MCMDC2: variants seen among roughly 807,000 people sequenced by gnomAD.
MCMDC2 encodes the protein minichromosome maintenance domain containing 2.
A neutral mutation model predicts 75.8 loss-of-function variants in MCMDC2; 54 were observed. The observed-to-expected ratio is 0.71, with a 90% CI of 0.57 to 0.89. The LOEUF is 0.89. Ranked by LOEUF, MCMDC2 falls within the 40% of genes least tolerant of loss-of-function variation. MCMDC2 has a pLI of 0.00. For synonymous variants in MCMDC2, 249 were observed against 274.6 expected, an observed-to-expected ratio of 0.91 and a Z score of 0.92; for missense variants, 656 against 780.4, an observed-to-expected ratio of 0.84 and a Z score of 1.90.
intron 10 of MCMDC2, among the ~76,000 whole-genome samples, chr8:66,895,480 C>T (rs1812310551): frequency 6.6e-6 from 1 of 150,500 alleles, no homozygotes; most frequent in Non-Finnish European, 1.5e-5. Context: ...CATCATACCT[C>T]ACTGCACCCT....
At position 66,896,159 on chromosome 8, in the gene MCMDC2, T is replaced by C. The variant is rs1220329282; in HGVS notation, c.1280-11T>C. 6.3e-6 allele frequency: 10 copies of C among 1,598,148 alleles called. No individual in the cohort carries two copies. The highest frequency in any genetic ancestry group is 8.5e-6 in the Non-Finnish European group (10 of 1,176,784). ...ACTTAAATAACAAATGGATAATGTCTTCTGACTTAGTTCTGGAGAGCAGAA... is the reference window on the plus strand; with the variant it reads ...ACTTAAATAACAAATGGATAATGTCCTCTGACTTAGTTCTGGAGAGCAGAA... On this transcript the variant is annotated splice_polypyrimidine_tract_variant and intron_variant, in intron 10 of 14. Coordinates refer to ENST00000422365, the MANE Select transcript of MCMDC2 (RefSeq NM_173518.5).
At chr8:66,884,063 C>A in intron 9 of MCMDC2, 69 bp downstream of exon 9, 1 of 939,072 alleles carries the variant, frequency 1.1e-6, no homozygotes, top group Non-Finnish European at 1.7e-6. Context: ...TTTCCATGAG[C>A]ATTATTACAA....
At chr8:66,875,143 C>T (rs950556461) in intron 4 of MCMDC2, among the ~76,000 whole-genome samples, 3 of 152,136 alleles carry the variant, frequency 2.0e-5, no homozygotes, top group African/African-American at 7.2e-5. Context: ...TACCACTCAA[C>T]TCAGATTCAA....
chr8:66,901,108 T>A, intron 12 of MCMDC2, 98 bp from the exon 13 acceptor site: 1 of 847,094 alleles, frequency 1.2e-6, no homozygotes. Flanking sequence ...TAATAAAATA[T>A]GCAAACTTGT....
chr8:66,916,553 C>G (rs1271623679), intron 14 of MCMDC2, among the ~76,000 whole-genome samples: 8 of 152,202 alleles, frequency 5.3e-5, no homozygotes, highest in African/African-American at 1.4e-4. Flanking sequence ...GCCTTCGTGC[C>G]AGCACAAGAT....
intron 12 of MCMDC2, 124 bp from the exon 13 acceptor site, chr8:66,901,082 T>G: frequency 1.5e-6 from 1 of 686,742 alleles, no homozygotes; most frequent in Non-Finnish European, 2.5e-6. Flanking sequence ...GCCCCAGACA[T>G]TTACTCTTTT....
chr8:66,877,385 C>T lies in MCMDC2; in HGVS notation c.322C>T (p.Leu108=). 6.2e-7 allele frequency: 1 copy of T among 1,612,230 alleles called. No homozygotes were observed. The highest frequency in any genetic ancestry group is 8.5e-7 in the Non-Finnish European group (1 of 1,179,062). The part of the protein sequence containing the change: ...IVLKLTHLPP[L]PSYGLDLCEF... The stretch of plus-strand genomic sequence containing the variant: ...GCTGAAATTAACACATTTACCTCCC[C>T]TGCCAAGTTATGGTCTTGATCTTTG... The change falls in exon 5 of 15, where the codon CTG becomes TTG. Residue 108 remains leucine (L), a synonymous_variant. Coordinates refer to ENST00000422365, the MANE Select transcript of MCMDC2 (RefSeq NM_173518.5).
At chr8:66,906,775 A>G (rs1056679202) in intron 14 of MCMDC2, among the ~76,000 whole-genome samples, 4 of 150,516 alleles carry the variant, frequency 2.7e-5, no homozygotes, top group Non-Finnish European at 4.4e-5. Context: ...ATTATTTATT[A>G]TTATTATTAT....
chr8:66,881,244 T>C (rs1811544508), intron 8 of MCMDC2, among the ~76,000 whole-genome samples: 1 of 152,258 alleles, frequency 6.6e-6, no homozygotes, highest in South Asian at 2.1e-4. Context: ...ATAGGACTTA[T>C]TTCTTTGGGC....
intron 10 of MCMDC2, among the ~76,000 whole-genome samples, chr8:66,892,327 T>C (rs768495945): frequency 3.9e-5 from 6 of 152,170 alleles, no homozygotes; most frequent in Non-Finnish European, 7.3e-5. Context: ...ACAGCCCTTT[T>C]TGCTCCCACT....
At chr8:66,899,390 AAT>A (rs1812520121) in intron 12 of MCMDC2, among the ~76,000 whole-genome samples, 2 of 152,200 alleles carry the variant, frequency 1.3e-5, no homozygotes, top group Admixed American at 6.5e-5. Flanking sequence ...TGATGCTATT[AAT>A]AGTATATCCA....
At chr8:66,898,783 T>C (rs1001022916) in intron 12 of MCMDC2, among the ~76,000 whole-genome samples, 19 of 152,286 alleles carry the variant, frequency 1.2e-4, no homozygotes, top group African/African-American at 4.6e-4. Flanking sequence ...GGACATTAGT[T>C]GGGCTGTAAG....
chr8:66,896,366 ATGT>A (rs769676571), intron 11 of MCMDC2, 30 bp downstream of exon 11: 13 of 1,535,328 alleles, frequency 8.5e-6, no homozygotes, highest in Non-Finnish European at 1.0e-5. Context: ...TATTGTTAGA[ATGT>A]TGTTCAAGGA....
chr8:66,879,453 T>TG, intron 7 of MCMDC2, among the ~76,000 whole-genome samples: 1 of 151,844 alleles, frequency 6.6e-6, no homozygotes, highest in African/African-American at 2.4e-5. Context: ...ATTAGCCAGG[T>TG]GTGGTGACGG....
intron 14 of MCMDC2, among the ~76,000 whole-genome samples, chr8:66,911,280 G>A (rs1283796729): frequency 3.3e-5 from 5 of 151,996 alleles, no homozygotes; most frequent in African/African-American, 4.8e-5. Context: ...CATGAGATCC[G>A]ATGGTTTTAT....
chr8:66,889,662 G>C (rs537231322), intron 9 of MCMDC2, among the ~76,000 whole-genome samples: 1 of 152,202 alleles, frequency 6.6e-6, no homozygotes, highest in Admixed American at 6.5e-5. Context: ...AGCCAGGCAC[G>C]GTGGCTTGTG....
chr8:66,896,031 T>C, intron 10 of MCMDC2, 139 bp from the exon 11 acceptor site: 1 of 698,734 alleles, frequency 1.4e-6, no homozygotes, highest in South Asian at 2.2e-5. Flanking sequence ...GAGCATTGTC[T>C]TGCAAAACAG....
chr8:66,896,136 TTAAATAA>T (rs1306376512), intron 10 of MCMDC2, 27 bp from the exon 11 acceptor site: 22 of 1,584,422 alleles, frequency 1.4e-5, no homozygotes, highest in Admixed American at 2.0e-5. Flanking sequence ...CAAAATGAAC[TTAAATAA>T]CAAATGGATA....
intron 12 of MCMDC2, among the ~76,000 whole-genome samples, chr8:66,899,470 C>T (rs1812526901): frequency 6.6e-6 from 1 of 152,180 alleles, no homozygotes; most frequent in Non-Finnish European, 1.5e-5. Context: ...ACATCCAATC[C>T]AGGACATGTC....
Sources: gnomAD v4.1 joint callset for allele counts (sites outside exome capture counted in the v4.1 genomes callset) on GRCh38, gnomAD v4.1.1 for gene constraint, MANE v1.5 for transcripts, NCBI Gene and HGNC (gene_info 2026-07-23, HGNC 2026-07-21) for gene names.